Variants in UNC13C observed in about 807,000 individuals in gnomAD.
UNC13C encodes protein unc-13 homolog C.
A neutral mutation model predicts 245.4 loss-of-function variants in UNC13C; 174 were observed. The ratio of observed to expected loss-of-function variants is 0.71; its 90% confidence interval spans 0.63 to 0.80. The LOEUF (loss-of-function observed/expected upper bound fraction) is 0.80, where lower values mean the gene tolerates loss of function less well. Ranked by LOEUF, UNC13C falls within the 30% of genes least tolerant of loss-of-function variation. The pLI is 0.00. For missense variants in UNC13C, 2,829 were observed against 2,602.9 expected (o/e 1.09, Z -1.89); for synonymous variants, 992 against 895.1 (o/e 1.11, Z -1.93).
the UNC13C span, among the ~76,000 whole-genome samples, chr15:53,916,680 C>G: frequency 6.6e-6 from 1 of 152,190 alleles, no homozygotes; most frequent in Admixed American, 6.5e-5. Context: ...CTGGGCTTAA[C>G]TCAGAAATAC....
At chr15:54,291,310 A>G in intron 10 of UNC13C, among the ~76,000 whole-genome samples, 1 of 151,990 alleles carries the variant, frequency 6.6e-6, no homozygotes, top group East Asian at 1.9e-4. Flanking sequence ...ACACAATGTC[A>G]TGGATTAATT....
At chr15:54,064,681 A>G (rs956619284) in intron 2 of UNC13C, among the ~76,000 whole-genome samples, 5 of 152,214 alleles carry the variant, frequency 3.3e-5, no homozygotes, top group African/African-American at 7.2e-5. Flanking sequence ...CACTCAATCT[A>G]TCAGCAGGAA....
In UNC13C at chr15:54,055,575, G is replaced by A. The variant is rs76299859; in HGVS notation, c.2983+39689G>A. Reference sequence around the variant, plus strand: ...AGCCATGTCTAGACAAAATGCAAATGTGAGTATTTGATGCTTTTTCTTACC... The same window carrying A: ...AGCCATGTCTAGACAAAATGCAAATATGAGTATTTGATGCTTTTTCTTACC... On this transcript the variant is annotated intron_variant, in intron 2 of 32. Coordinates refer to ENST00000260323, the MANE Select transcript of UNC13C (RefSeq NM_001080534.3). Among the ~76,000 whole-genome samples the A allele has an allele frequency of 3.1e-3, 479 of 152,282 alleles. 16 individuals are homozygous for A. In the East Asian group the frequency reaches 0.048, roughly 15 times the overall value.
intron 10 of UNC13C, among the ~76,000 whole-genome samples, chr15:54,271,534 T>G (rs2036688095): frequency 6.6e-6 from 1 of 152,186 alleles, no homozygotes; most frequent in African/African-American, 2.4e-5. Context: ...ATAAGAAATT[T>G]GAGAGTTAGG....
chr15:54,300,023 C>T (rs2037534389), intron 12 of UNC13C, among the ~76,000 whole-genome samples, 187 bp from the exon 13 acceptor site: 1 of 152,064 alleles, frequency 6.6e-6, no homozygotes. Context: ...AGGCAGAAAT[C>T]AAAGCAGATT....
intron 30 of UNC13C, among the ~76,000 whole-genome samples, chr15:54,604,389 G>GGAAA (rs68112234): frequency 3.3e-5 from 5 of 151,592 alleles, no homozygotes; most frequent in Admixed American, 6.6e-5. Flanking sequence ...CCTTAAACCA[G>GGAAA]GAAAGAAAGA....
intron 17 of UNC13C, among the ~76,000 whole-genome samples, chr15:54,354,611 G>C (rs2039053517): frequency 6.6e-6 from 1 of 152,094 alleles, no homozygotes; most frequent in African/African-American, 2.4e-5. Context: ...GTACTTCATT[G>C]TGCTTTTCTT....
intron 17 of UNC13C, among the ~76,000 whole-genome samples, chr15:54,347,276 C>A (rs1490632324): frequency 4.6e-5 from 7 of 152,112 alleles, no homozygotes; most frequent in Non-Finnish European, 8.8e-5. Flanking sequence ...CAATGAAAAC[C>A]TTTATTAACT....
At chr15:54,294,525 CAT>C (rs2037381648) in intron 11 of UNC13C, among the ~76,000 whole-genome samples, 1 of 151,976 alleles carries the variant, frequency 6.6e-6, no homozygotes, top group Non-Finnish European at 1.5e-5. Flanking sequence ...GTCAAGTAAA[CAT>C]GTGAACTCAT....
chr15:54,123,408 A>G (rs1278760587), intron 2 of UNC13C, among the ~76,000 whole-genome samples: 1 of 151,232 alleles, frequency 6.6e-6, no homozygotes, highest in East Asian at 1.9e-4. Context: ...AATATAAATT[A>G]TTTTCATATG....
intron 2 of UNC13C, among the ~76,000 whole-genome samples, chr15:54,034,511 T>C (rs1896491915): frequency 6.6e-6 from 1 of 152,230 alleles, no homozygotes; most frequent in Admixed American, 6.5e-5. Flanking sequence ...ATGGGAAATA[T>C]AATTGTTTCT....
At chr15:53,992,153 T>C (rs1894420962) in intron 1 of UNC13C, among the ~76,000 whole-genome samples, 1 of 152,068 alleles carries the variant, frequency 6.6e-6, no homozygotes, top group South Asian at 2.1e-4. Flanking sequence ...AAATTTAATA[T>C]CACTGGAGAA....
chr15:54,400,915 G>T (rs2040169004), intron 18 of UNC13C, among the ~76,000 whole-genome samples: 1 of 152,090 alleles, frequency 6.6e-6, no homozygotes. Flanking sequence ...TATACAGCAT[G>T]GAATACTATG....
intron 19 of UNC13C, among the ~76,000 whole-genome samples, chr15:54,434,347 C>T (rs1004067362): frequency 6.6e-6 from 1 of 152,092 alleles, no homozygotes; most frequent in Non-Finnish European, 1.5e-5. Context: ...TACTACAAGG[C>T]TATAGTAACC....
chr15:53,939,270 G>A, the UNC13C span, among the ~76,000 whole-genome samples: 30 of 152,128 alleles, frequency 2.0e-4, no homozygotes, highest in African/African-American at 2.4e-4. Context: ...CACGTACACC[G>A]TCTCAAGACT....
chr15:54,307,800 C>T (rs1422460712), intron 13 of UNC13C, among the ~76,000 whole-genome samples: 1 of 151,850 alleles, frequency 6.6e-6, no homozygotes, highest in East Asian at 1.9e-4. Flanking sequence ...TCTAGCAACC[C>T]ATAGCATCTT....
At chr15:54,509,099 T>C (rs534721766) in intron 23 of UNC13C, among the ~76,000 whole-genome samples, 2 of 152,242 alleles carry the variant, frequency 1.3e-5, no homozygotes, top group East Asian at 3.9e-4. Flanking sequence ...CTTGGGAGGC[T>C]GAGGCAGGAG....
At chr15:54,328,470 T>A (rs2038353899) in intron 14 of UNC13C, among the ~76,000 whole-genome samples, 2 of 152,066 alleles carry the variant, frequency 1.3e-5, no homozygotes, top group Admixed American at 6.6e-5. Flanking sequence ...TAAGATAGCA[T>A]GAATACATAG....
intron 3 of UNC13C, 126 bp from the exon 4 acceptor site, chr15:54,143,494 C>T: frequency 1.5e-6 from 1 of 668,174 alleles, no homozygotes; most frequent in Non-Finnish European, 2.6e-6. Context: ...GCTGACCCTG[C>T]TTAGCATCTG....
Sources: gnomAD v4.1 joint callset for allele counts (sites outside exome capture counted in the v4.1 genomes callset) on GRCh38, gnomAD v4.1.1 for gene constraint, MANE v1.5 for transcripts, NCBI Gene and HGNC (gene_info 2026-07-23, HGNC 2026-07-21) for gene names.